ZCCHC17: variants seen among roughly 807,000 people sequenced by gnomAD.
The protein encoded by ZCCHC17 is zinc finger CCHC domain-containing protein 17.
A neutral mutation model predicts 30.6 loss-of-function variants in ZCCHC17; 18 were observed. That is an observed-to-expected ratio of 0.59 (90% CI 0.41 to 0.87). The LOEUF (loss-of-function observed/expected upper bound fraction) is 0.87, where lower values mean the gene tolerates loss of function less well. Ranked by LOEUF, ZCCHC17 falls within the 40% of genes least tolerant of loss-of-function variation. The pLI, the probability that ZCCHC17 is intolerant of heterozygous loss-of-function variation, is 0.00. For missense variants in ZCCHC17, 263 were observed against 284.2 expected (o/e 0.93, Z 0.54); for synonymous variants, 88 against 92.4 (o/e 0.95, Z 0.27).
chr1:31,330,956 C>T (rs1442830468), intron 3 of ZCCHC17, among the ~76,000 whole-genome samples: 3 of 152,182 alleles, frequency 2.0e-5, no homozygotes, highest in Non-Finnish European at 4.4e-5. Flanking sequence ...TCATGAATCC[C>T]TCCCATACAG....
intron 1 of ZCCHC17, among the ~76,000 whole-genome samples, chr1:31,301,681 G>A (rs1646315715): frequency 6.6e-6 from 1 of 152,204 alleles, no homozygotes; most frequent in South Asian, 2.1e-4. Context: ...AGCAGCCTTT[G>A]TCAAATCACT....
chr1:31,299,073 T>G (rs1316466852), intron 1 of ZCCHC17, among the ~76,000 whole-genome samples: 2 of 152,198 alleles, frequency 1.3e-5, no homozygotes, highest in African/African-American at 4.8e-5. Flanking sequence ...AGTTATTTTG[T>G]TGGTGTGATT....
At chr1:31,342,687 T>G (rs1019095719) in intron 5 of ZCCHC17, among the ~76,000 whole-genome samples, 3 of 152,222 alleles carry the variant, frequency 2.0e-5, no homozygotes, top group Admixed American at 2.0e-4. Flanking sequence ...GCTGCTCACC[T>G]CCTGCTATGC....
chr1:31,363,182 CTTT>C (rs374893533), intron 7 of ZCCHC17, among the ~76,000 whole-genome samples: 2 of 135,630 alleles, frequency 1.5e-5, no homozygotes, highest in Non-Finnish European at 1.6e-5. Flanking sequence ...ATGTCTTATA[CTTT>C]TTTTTTTTTT....
intron 7 of ZCCHC17, among the ~76,000 whole-genome samples, chr1:31,357,924 T>G (rs933633625): frequency 6.6e-6 from 1 of 152,108 alleles, no homozygotes; most frequent in Non-Finnish European, 1.5e-5. Flanking sequence ...CCCAGCTGAT[T>G]TTCTATTTTT....
At chr1:31,303,116 C>A (rs544577994) in intron 1 of ZCCHC17, among the ~76,000 whole-genome samples, 13 of 146,648 alleles carry the variant, frequency 8.9e-5, no homozygotes, top group East Asian at 7.7e-4. Context: ...GTCTCTACCC[C>A]CCCTCAAAAA....
At chr1:31,337,108 A>T in intron 3 of ZCCHC17, 67 bp from the exon 4 acceptor site, 1 of 1,429,066 alleles carries the variant, frequency 7.0e-7, no homozygotes, top group Non-Finnish European at 9.6e-7. Context: ...TTACCTTCTT[A>T]TCCAGTTTAG....
chr1:31,339,964 T>TTTTTC, intron 5 of ZCCHC17, among the ~76,000 whole-genome samples: 1 of 109,958 alleles, frequency 9.1e-6, no homozygotes, highest in Non-Finnish European at 1.7e-5. Context: ...GGATTTCTTT[T>TTTTTC]TTTTTTTTTT....
chr1:31,302,393 T>C (rs867457032), intron 1 of ZCCHC17, among the ~76,000 whole-genome samples: 25 of 151,536 alleles, frequency 1.6e-4, no homozygotes, highest in African/African-American at 5.8e-4. Context: ...TAAAAAAAAC[T>C]GAGTACTTGT....
At chr1:31,301,434 T>A (rs932323794) in intron 1 of ZCCHC17, among the ~76,000 whole-genome samples, 3 of 152,240 alleles carry the variant, frequency 2.0e-5, no homozygotes, top group Non-Finnish European at 2.9e-5. Context: ...GATAATTGCC[T>A]GTTTTATGGG....
chr1:31,327,724 G>A (rs571983809), intron 3 of ZCCHC17, among the ~76,000 whole-genome samples: 1 of 152,264 alleles, frequency 6.6e-6, no homozygotes, highest in Non-Finnish European at 1.5e-5. Flanking sequence ...GCCCCAAAGT[G>A]TAATACTAAT....
intron 2 of ZCCHC17, 82 bp from the exon 3 acceptor site, chr1:31,319,027 A>G: frequency 6.8e-7 from 1 of 1,475,292 alleles, no homozygotes; most frequent in Non-Finnish European, 9.2e-7. Context: ...TATGAAGTAC[A>G]GATTTGGGGA....
chr1:31,313,550 C>T (rs1339448739), intron 2 of ZCCHC17, among the ~76,000 whole-genome samples: 2 of 152,096 alleles, frequency 1.3e-5, no homozygotes, highest in African/African-American at 4.8e-5. Context: ...TTAAGTTGAT[C>T]CCAACTTGTA....
At chr1:31,334,697 A>G (rs1459462165) in intron 3 of ZCCHC17, among the ~76,000 whole-genome samples, 1 of 152,186 alleles carries the variant, frequency 6.6e-6, no homozygotes, top group African/African-American at 2.4e-5. Context: ...TAGTATGGGA[A>G]AATGCTAGAT....
intron 2 of ZCCHC17, among the ~76,000 whole-genome samples, chr1:31,312,786 T>C (rs1256164446): frequency 5.3e-5 from 8 of 152,084 alleles, no homozygotes; most frequent in African/African-American, 1.9e-4. Flanking sequence ...TGAGACAGAG[T>C]TTTGCTCTTG....
chr1:31,306,792 C>T (rs1646470867), intron 1 of ZCCHC17, among the ~76,000 whole-genome samples: 1 of 152,106 alleles, frequency 6.6e-6, no homozygotes, highest in Non-Finnish European at 1.5e-5. Flanking sequence ...TTCAGCCTCC[C>T]AAGTAGCTGG....
At chr1:31,317,004 T>C (rs907719129) in intron 2 of ZCCHC17, among the ~76,000 whole-genome samples, 2 of 151,520 alleles carry the variant, frequency 1.3e-5, no homozygotes, top group African/African-American at 4.9e-5. Flanking sequence ...GGGACCGAGG[T>C]TCTATCCCTA....
At chr1:31,348,382 T>C (rs1258566464) in intron 6 of ZCCHC17, among the ~76,000 whole-genome samples, 1 of 152,162 alleles carries the variant, frequency 6.6e-6, no homozygotes, top group Non-Finnish European at 1.5e-5. Flanking sequence ...TTAGCTTAGA[T>C]GTGAGTGCCC....
intron 7 of ZCCHC17, among the ~76,000 whole-genome samples, chr1:31,350,946 G>A (rs1214742363): frequency 6.6e-6 from 1 of 152,122 alleles, no homozygotes; most frequent in East Asian, 1.9e-4. Flanking sequence ...TGTGATCTTT[G>A]ATGACAATGT....
Sources: allele counts gnomAD v4.1 joint callset (sites outside exome capture counted in the v4.1 genomes callset), GRCh38; gene constraint gnomAD v4.1.1; transcripts MANE v1.5; gene names NCBI Gene and HGNC (gene_info 2026-07-23, HGNC 2026-07-21).